Variants in NFIX observed in about 807,000 individuals in gnomAD.
NFIX encodes the protein nuclear factor I X.
NFIX carries 2 observed loss-of-function variants against 53.3 expected under a neutral mutation model. That is an observed-to-expected ratio of 0.04 (90% confidence interval 0.02 to 0.12). The LOEUF is 0.12. Among genes scored for constraint, NFIX ranks in the 10% least tolerant of loss-of-function variants. NFIX has a pLI of 1.00. For synonymous variants in NFIX, 244 were observed against 289.0 expected, an observed-to-expected ratio of 0.84 and a Z score of 1.58; for missense variants, 310 against 674.5, an observed-to-expected ratio of 0.46 and a Z score of 5.99.
Position 13,094,351 on chromosome 19 carries a change from G to C in NFIX, c.1495-284G>C, listed in dbSNP as rs2018314865. Among the ~76,000 whole-genome samples the C allele has an allele frequency of 6.6e-6, 1 of 152,190 alleles. No homozygotes were observed. The highest frequency in any genetic ancestry group is 1.5e-5 in the Non-Finnish European group (1 of 68,032). ...GGCCAGATCTCAGGCCTGTGCCAGCGCCAGCCATGGGGGTCCCACCCGCTG... is the reference window on the plus strand; with the variant it reads ...GGCCAGATCTCAGGCCTGTGCCAGCCCCAGCCATGGGGGTCCCACCCGCTG... On this transcript the variant is annotated intron_variant, in intron 10 of 10. Coordinates refer to ENST00000592199, the MANE Select transcript of NFIX (RefSeq NM_001365902.3). The surrounding 1 kb of genome is among the most constrained non-coding windows in gnomAD (Gnocchi z 4.3).
chr19:13,073,576 G>C lies in NFIX; in HGVS notation c.697+80G>C. On this transcript the variant is annotated intron_variant, in intron 4 of 10. Transcript: ENST00000592199. The surrounding 1 kb of genome is among the most constrained non-coding windows in gnomAD (Gnocchi z 4.5). ...GACCTCATGGGATGTCCTCCTAATGGGGTCTTAGGGCAGGTGGATGGGAAC... is the reference window on the plus strand; with the variant it reads ...GACCTCATGGGATGTCCTCCTAATGCGGTCTTAGGGCAGGTGGATGGGAAC... 1.6e-6 allele frequency: 2 copies of C among 1,262,150 alleles called. No homozygotes were observed. Among genetic ancestry groups the C allele is most frequent in the African/African-American group, 1.5e-5 (1 of 67,940 alleles). The allele number at this position is 1,262,150 out of a possible 1,614,324, so 78.2% of individuals were successfully genotyped here.
At position 13,074,065 on chromosome 19, in the gene NFIX, TC is replaced by T. The variant is rs767274870; in HGVS notation, c.818+45del. ...CCCTGCCTTTCCATCTTCTCTCCAC[TC>T]CCCCCAGGGCCAGGGCCGTCCCAGT... On this transcript the variant is annotated intron_variant, in intron 5 of 10. Transcript: ENST00000592199. The T allele has an allele frequency of 3.1e-6, 5 of 1,611,316 alleles. No individual in the cohort carries two copies. In the African/African-American group the frequency reaches 5.4e-5, roughly 17 times the overall value.
At chr19:13,039,241 TACAC>T (rs1257551168) in intron 2 of NFIX, among the ~76,000 whole-genome samples, 1 of 147,318 alleles carries the variant, frequency 6.8e-6, no homozygotes, top group African/African-American at 2.6e-5. Context: ...CACACACACA[TACAC>T]GTGTGTGTGT....
chr19:13,019,234 A>G (rs1010691069), intron 1 of NFIX, among the ~76,000 whole-genome samples: 8 of 152,196 alleles, frequency 5.3e-5, no homozygotes, highest in Admixed American at 1.3e-4. Flanking sequence ...TGCAAAACCT[A>G]TCTCAGTCTG....
chr19:13,085,045 G>T (rs1008137169), intron 8 of NFIX, among the ~76,000 whole-genome samples: 5 of 149,870 alleles, frequency 3.3e-5, no homozygotes, highest in African/African-American at 1.2e-4. Context: ...ACTCCAGCCT[G>T]GGCGACAGAG....
rs752125145 is a variant in NFIX, at chr19:13,073,034, G to C, written c.560-13G>C. ...TGCTCCTGATACATTCTCCCCTTTT[G>C]TGTCTCCTGCAGAATCCGGACAATC... On this transcript the variant is annotated splice_polypyrimidine_tract_variant and intron_variant, in intron 2 of 10. Coordinates refer to ENST00000592199, the MANE Select transcript of NFIX (RefSeq NM_001365902.3). This position sits in a 1 kb window ranked among gnomAD's most constrained non-coding sequence, Gnocchi z 4.5. 2 of 1,613,616 alleles carry C rather than the reference G, an allele frequency of 1.2e-6. No individual in the cohort carries two copies. The highest frequency in any genetic ancestry group is 1.7e-6 in the Non-Finnish European group (2 of 1,179,670).
rs12461102 is a variant in NFIX, at chr19:13,046,630, T to A, written c.559+21078T>A. Among the ~76,000 whole-genome samples, 1,118 of 152,294 alleles carry A rather than the reference T, an allele frequency of 7.3e-3. 47 individuals carry two copies. Among genetic ancestry groups the A allele is most frequent in the Admixed American group, 0.061 (928 of 15,302 alleles). ...TGCTCCTGACAAGAGGGGAGGGGCT[T>A]CCTGTCAAACATTGGGAGTTGATGT... On this transcript the variant is annotated intron_variant, in intron 2 of 10. Coordinates refer to ENST00000592199, the MANE Select transcript of NFIX (RefSeq NM_001365902.3).
rs1033972912 is a variant in NFIX, at chr19:13,066,233, C to T, written c.560-6814C>T. Among the ~76,000 whole-genome samples, 3 of 152,102 alleles carry T rather than the reference C, an allele frequency of 2.0e-5. No homozygotes were observed. Among genetic ancestry groups the T allele is most frequent in the African/African-American group, 4.8e-5 (2 of 41,402 alleles). On this transcript the variant is annotated intron_variant, in intron 2 of 10. Coordinates refer to ENST00000592199, the MANE Select transcript of NFIX (RefSeq NM_001365902.3). This position sits in a 1 kb window ranked among gnomAD's most constrained non-coding sequence, Gnocchi z 4.2. ...GCCTGGCACTTGCTCCAGGGGCACC[C>T]GTAGAGGCCGGGATGTGTTGGAATG... is the stretch of plus-strand genomic sequence containing the variant.
intron 1 of NFIX, among the ~76,000 whole-genome samples, chr19:13,004,722 G>A (rs1012292084): frequency 3.3e-5 from 5 of 152,104 alleles, no homozygotes; most frequent in Admixed American, 2.0e-4. Context: ...CCCTGCCCAG[G>A]ACACTCGCAG....
At position 13,052,923 on chromosome 19, in the gene NFIX, G is replaced by A. The variant is rs76833838; in HGVS notation, c.560-20124G>A. ...TTCCCTTCGTCCTGTTCACAGGGAG[G>A]TGGAAATCCAGACAGAAACCTGCCT... is the stretch of plus-strand genomic sequence containing the variant. On this transcript the variant is annotated intron_variant, in intron 2 of 10. Transcript: ENST00000592199. The surrounding 1 kb of genome is among the most constrained non-coding windows in gnomAD (Gnocchi z 5.2). 0.016 allele frequency among the ~76,000 whole-genome samples: 2,470 copies of A among 152,280 alleles called. 86 individuals are homozygous for A. Among genetic ancestry groups the A allele is most frequent in the African/African-American group, 0.057 (2,382 of 41,548 alleles).
At chr19:13,010,511 A>G (rs1349353705) in intron 1 of NFIX, among the ~76,000 whole-genome samples, 1 of 152,260 alleles carries the variant, frequency 6.6e-6, no homozygotes, top group African/African-American at 2.4e-5. Context: ...ATGCGCACCT[A>G]GGCCTGACAT....
intron 2 of NFIX, among the ~76,000 whole-genome samples, chr19:13,031,749 A>G (rs1293126650): frequency 1.3e-5 from 2 of 152,076 alleles, no homozygotes; most frequent in Non-Finnish European, 2.9e-5. Context: ...GTGAATTGGG[A>G]GGCAAGGTCC....
intron 2 of NFIX, among the ~76,000 whole-genome samples, chr19:13,054,704 G>A (rs537477913): frequency 1.3e-5 from 2 of 152,246 alleles, no homozygotes; most frequent in Admixed American, 1.3e-4. Context: ...AACAGCAGTG[G>A]GGTGTCCTCC....
intron 2 of NFIX, among the ~76,000 whole-genome samples, chr19:13,059,777 CTTTTTTTTTTT>C (rs35128120): frequency 5.0e-5 from 3 of 60,336 alleles, no homozygotes; most frequent in South Asian, 9.8e-4. Context: ...AATTAGAATT[CTTTTTTTTTTT>C]TTTTTTTTTT....
intron 8 of NFIX, chr19:13,082,203 T>G (rs2017514086): frequency 3.5e-6 from 1 of 284,894 alleles, no homozygotes; most frequent in Non-Finnish European, 6.6e-6. Context: ...CTCTTAAACC[T>G]CGGGGCTGCA....
intron 2 of NFIX, among the ~76,000 whole-genome samples, chr19:13,053,551 GAAAGGCCCCTA>G (rs2145328003): frequency 6.6e-6 from 1 of 152,238 alleles, no homozygotes; most frequent in Non-Finnish European, 1.5e-5. Context: ...CTGGAAGGGA[GAAAGGCCCCTA>G]ACCATCCCAC....
At chr19:13,044,392 G>A (rs1448061412) in intron 2 of NFIX, among the ~76,000 whole-genome samples, 5 of 152,176 alleles carry the variant, frequency 3.3e-5, no homozygotes, top group Non-Finnish European at 7.3e-5. Flanking sequence ...GCTAACCTGC[G>A]GGTGTCTGTG....
Position 13,072,558 on chromosome 19 carries a change from A to C in NFIX, c.560-489A>C, listed in dbSNP as rs1931634271. Among the ~76,000 whole-genome samples, 1 of 151,950 alleles carries C rather than the reference A, an allele frequency of 6.6e-6. No individual in the cohort carries two copies. On this transcript the variant is annotated intron_variant, in intron 2 of 10. Coordinates refer to ENST00000592199, the MANE Select transcript of NFIX (RefSeq NM_001365902.3). This position sits in a 1 kb window ranked among gnomAD's most constrained non-coding sequence, Gnocchi z 4.0. ...GCTGGAGCTGGGTGGGGGATGGGGG[A>C]CCCTTGGGTCTGTCCCCGCTGTGGA...
rs1257468307 is a variant in NFIX, at chr19:13,090,235, G to A, written c.1403-64G>A. The A allele has an allele frequency of 6.8e-7, 1 of 1,473,900 alleles. No homozygotes were observed. The highest frequency in any genetic ancestry group is 9.5e-7 in the Non-Finnish European group (1 of 1,052,638). The allele number at this position is 1,473,900 out of a possible 1,614,324, so 91.3% of individuals were successfully genotyped here. A position where few individuals can be genotyped will look rare whatever the true frequency, so the allele number is the denominator to read the frequency against. On this transcript the variant is annotated intron_variant, in intron 9 of 10. Coordinates refer to ENST00000592199, the MANE Select transcript of NFIX (RefSeq NM_001365902.3). This position sits in a 1 kb window ranked among gnomAD's most constrained non-coding sequence, Gnocchi z 6.6. ...TCTCCCTCTCTCAGCAGCCCCGAGG[G>A]GCAGTGCCCAGGTGGGCCCCAAGGC...
Sources: gnomAD v4.1 joint callset for allele counts (sites outside exome capture counted in the v4.1 genomes callset) on GRCh38, gnomAD v4.1.1 for gene constraint, Gnocchi (gnomAD v3.1) non-coding constraint, MANE v1.5 for transcripts, NCBI Gene and HGNC (gene_info 2026-07-23, HGNC 2026-07-21) for gene names.